PDGFD: variants seen among roughly 807,000 people sequenced by gnomAD.
The protein encoded by PDGFD is platelet-derived growth factor D.
Under a neutral mutation model 44.7 loss-of-function variants are expected in PDGFD, and 30 were observed. That is an observed-to-expected ratio of 0.67 (90% CI 0.50 to 0.91). The LOEUF is 0.91. Among genes scored for constraint, PDGFD ranks in the 40% least tolerant of loss-of-function variants. The probability of loss-of-function intolerance (pLI) is 0.00; values close to 1 mark genes in which losing one functional copy is unlikely to be tolerated. For synonymous variants in PDGFD, 173 were observed against 168.4 expected (o/e 1.03, Z -0.21); for missense variants, 445 against 457.8 (o/e 0.97, Z 0.25).
rs1405397658 is a variant in PDGFD, at chr11:104,140,076, A to AT, written c.124+23727_124+23728insA. Among the ~76,000 whole-genome samples, 8 of 53,562 alleles carry AT rather than the reference A, an allele frequency of 1.5e-4. 4 individuals are homozygous for AT. Among genetic ancestry groups the AT allele is most frequent in the African/African-American group, 5.2e-4 (4 of 7,678 alleles). 35.1% of individuals were successfully genotyped at this position (53,562 alleles called of 152,430 possible). A position where few individuals can be genotyped will look rare whatever the true frequency, so the allele number is the denominator to read the frequency against. ...AGCGAGACTCCGTCTCAAAAAAAAA[A>AT]AAATAAATAAATAAATAAATAACTT... On this transcript the variant is annotated intron_variant, in intron 1 of 6. Coordinates refer to ENST00000393158, the MANE Select transcript of PDGFD (RefSeq NM_025208.5).
At chr11:104,021,122 G>C (rs1191344829) in intron 1 of PDGFD, among the ~76,000 whole-genome samples, 2 of 152,148 alleles carry the variant, frequency 1.3e-5, no homozygotes, top group Non-Finnish European at 2.9e-5. Context: ...AAAGCAAAGG[G>C]TTCATGCAAT....
chr11:104,150,589 A>G (rs1001297143), intron 1 of PDGFD, among the ~76,000 whole-genome samples: 3 of 152,176 alleles, frequency 2.0e-5, no homozygotes, highest in Non-Finnish European at 2.9e-5. Context: ...CTCAATTTCA[A>G]TGGACCCAAA....
intron 3 of PDGFD, among the ~76,000 whole-genome samples, chr11:103,952,223 GA>G (rs1369026172): frequency 6.6e-6 from 1 of 152,172 alleles, no homozygotes. Flanking sequence ...GTTACTTTAA[GA>G]AATGCTAAAA....
At chr11:104,057,880 T>C (rs1860647124) in intron 1 of PDGFD, among the ~76,000 whole-genome samples, 2 of 152,152 alleles carry the variant, frequency 1.3e-5, no homozygotes, top group South Asian at 2.1e-4. Flanking sequence ...ATAGGGTCAA[T>C]TGATTTGCAA....
rs1437418440 is a variant in PDGFD, at chr11:103,927,948, CCT to C, written c.773-824_773-823del. Among the ~76,000 whole-genome samples, 32 of 152,322 alleles carry C rather than the reference CCT, an allele frequency of 2.1e-4. No individual in the cohort carries two copies. In the East Asian group the frequency reaches 2.5e-3, roughly 12 times the overall value. On this transcript the variant is annotated intron_variant, in intron 5 of 6. Coordinates refer to ENST00000393158, the MANE Select transcript of PDGFD (RefSeq NM_025208.5). Reference sequence around the variant, plus strand: ...TAATCTTGATTCATCTGAATCTCCCCCTCTCACATTCTTTTCCTTTAAAGTCA... The same window carrying C: ...TAATCTTGATTCATCTGAATCTCCCCCTCACATTCTTTTCCTTTAAAGTCA...
At position 104,124,821 on chromosome 11, in the gene PDGFD, T is replaced by C. The variant is rs556287370; in HGVS notation, c.124+38983A>G. Among the ~76,000 whole-genome samples, 9 of 152,204 alleles carry C rather than the reference T, an allele frequency of 5.9e-5. No homozygotes were observed. In the South Asian group the frequency reaches 6.2e-4, roughly 11 times the overall value. On this transcript the variant is annotated intron_variant, in intron 1 of 6. Transcript: ENST00000393158. ...ACAGAAATTATTAAAAGATTTAAGA[T>C]AAAGAAATTTAAAGAGTCCAGACAA...
At chr11:104,003,787 G>A (rs1050361382) in intron 1 of PDGFD, among the ~76,000 whole-genome samples, 2 of 152,126 alleles carry the variant, frequency 1.3e-5, no homozygotes, top group African/African-American at 4.8e-5. Flanking sequence ...GAGGCCTTGG[G>A]AATCAGTGAT....
At chr11:103,975,886 T>A (rs1219002846) in intron 3 of PDGFD, among the ~76,000 whole-genome samples, 3 of 152,204 alleles carry the variant, frequency 2.0e-5, no homozygotes, top group African/African-American at 7.2e-5. Flanking sequence ...CATGCTGTTT[T>A]GGTTACTCTA....
intron 1 of PDGFD, among the ~76,000 whole-genome samples, chr11:104,005,442 C>A (rs1859686793): frequency 6.6e-6 from 1 of 152,114 alleles, no homozygotes; most frequent in Non-Finnish European, 1.5e-5. Context: ...TAACTTAATG[C>A]CAACTCAGGG....
intron 1 of PDGFD, among the ~76,000 whole-genome samples, chr11:104,072,238 T>C (rs546392705): frequency 1.8e-3 from 271 of 152,030 alleles, no homozygotes; most frequent in Middle Eastern, 6.9e-3. Flanking sequence ...ACAAGGTATG[T>C]CTTTTCATTT....
chr11:104,162,868 T>C (rs998111632), intron 1 of PDGFD, among the ~76,000 whole-genome samples: 2 of 152,014 alleles, frequency 1.3e-5, no homozygotes, highest in Non-Finnish European at 2.9e-5. Context: ...GATACTGATG[T>C]AGGAAAAAAC....
Position 104,131,081 on chromosome 11 carries a change from T to C in PDGFD, c.124+32723A>G, listed in dbSNP as rs141752676. The stretch of plus-strand genomic sequence containing the variant: ...CATAAATAAGAAAATATATTGTTCA[T>C]TGTTTTGCAATAAAACATGAAGTTG... On this transcript the variant is annotated intron_variant, in intron 1 of 6. Coordinates refer to ENST00000393158, the MANE Select transcript of PDGFD (RefSeq NM_025208.5). Among the ~76,000 whole-genome samples, 1,108 of 152,306 alleles carry C rather than the reference T, an allele frequency of 7.3e-3. 7 individuals are homozygous for C. The highest frequency in any genetic ancestry group is 0.024 in the African/African-American group (992 of 41,574).
At chr11:104,130,436 AT>A (rs1199217846) in intron 1 of PDGFD, among the ~76,000 whole-genome samples, 2 of 152,142 alleles carry the variant, frequency 1.3e-5, no homozygotes, top group Non-Finnish European at 2.9e-5. Context: ...AGCAGCAGAA[AT>A]AACTCCAGGT....
intron 1 of PDGFD, among the ~76,000 whole-genome samples, chr11:104,026,637 G>A (rs1488477104): frequency 6.6e-6 from 1 of 152,158 alleles, no homozygotes; most frequent in Non-Finnish European, 1.5e-5. Flanking sequence ...TTGGATGCCT[G>A]CTATCATTTG....
Position 104,143,463 on chromosome 11 carries a change from T to G in PDGFD, c.124+20341A>C, listed in dbSNP as rs1044196786. The stretch of plus-strand genomic sequence containing the variant: ...TTGGATTTTGGCCTCCATGACAACA[T>G]AAAACCTGGCAGCCGAAGGTCTGGT... On this transcript the variant is annotated intron_variant, in intron 1 of 6. Transcript: ENST00000393158. 3.3e-5 allele frequency among the ~76,000 whole-genome samples: 5 copies of G among 152,340 alleles called. No individual in the cohort carries two copies. In the South Asian group the frequency reaches 1.0e-3, roughly 32 times the overall value.
intron 1 of PDGFD, among the ~76,000 whole-genome samples, chr11:104,097,087 G>C (rs1861299591): frequency 6.6e-6 from 1 of 152,164 alleles, no homozygotes; most frequent in African/African-American, 2.4e-5. Flanking sequence ...AGGTCAAGAG[G>C]TTTGCCCCAG....
intron 5 of PDGFD, among the ~76,000 whole-genome samples, chr11:103,937,418 C>A (rs753741150): frequency 2.3e-4 from 35 of 152,080 alleles, no homozygotes; most frequent in Non-Finnish European, 4.6e-4. Context: ...CCATAAATCA[C>A]CTCTCCGTTA....
chr11:104,006,629 A>G (rs1859705512), intron 1 of PDGFD, among the ~76,000 whole-genome samples: 2 of 152,302 alleles, frequency 1.3e-5, no homozygotes, highest in South Asian at 4.1e-4. Flanking sequence ...CCCAGGCTCC[A>G]GAAGCAGATG....
At chr11:104,021,876 C>A (rs1859959500) in intron 1 of PDGFD, among the ~76,000 whole-genome samples, 1 of 152,228 alleles carries the variant, frequency 6.6e-6, no homozygotes, top group African/African-American at 2.4e-5. Context: ...ACCTTGGGTA[C>A]AGGCATAGAG....
Sources: gnomAD v4.1 joint callset for allele counts (sites outside exome capture counted in the v4.1 genomes callset) on GRCh38, gnomAD v4.1.1 for gene constraint, MANE v1.5 for transcripts, NCBI Gene and HGNC (gene_info 2026-07-23, HGNC 2026-07-21) for gene names.